The following GABRA3 variants were observed in gnomAD, a reference collection of about 807,000 sequenced individuals.
GABRA3 encodes the protein gamma-aminobutyric acid receptor subunit alpha-3.
Under a neutral mutation model 30.1 loss-of-function variants are expected in GABRA3, and 10 were observed. That is an observed-to-expected ratio of 0.33 (90% confidence interval 0.20 to 0.56). The LOEUF is 0.56. Among genes scored for constraint, GABRA3 ranks in the 20% least tolerant of loss-of-function variants. GABRA3 has a pLI of 0.89. For synonymous variants in GABRA3, 151 were observed against 146.8 expected, an observed-to-expected ratio of 1.03 and a Z score of -0.21; for missense variants, 233 against 392.0, an observed-to-expected ratio of 0.59 and a Z score of 3.42.
chrX:152,246,495 C>A (rs1045848125), intron 5 of GABRA3, among the ~76,000 whole-genome samples: 6 of 111,722 alleles, frequency 5.4e-5, no homozygotes, highest in Non-Finnish European at 9.4e-5. Flanking sequence ...TTCAGTGAAT[C>A]CTGTAATTTT....
At chrX:152,195,036 A>T (rs934093905) in intron 8 of GABRA3, among the ~76,000 whole-genome samples, 2 of 112,383 alleles carry the variant, frequency 1.8e-5, no homozygotes, top group African/African-American at 3.2e-5. Flanking sequence ...CTGGGATTAC[A>T]GGCATGAGCT....
rs1456432209 is a variant in GABRA3 at position 152,336,667 on chromosome X, A to C, written c.262+8914T>G. Reference sequence around the variant, plus strand: ...AACCTTTCAGGAACAGCTAATTAATAAAGAGAAAAGCACTTTGCTGGCCTC... The same window carrying C: ...AACCTTTCAGGAACAGCTAATTAATCAAGAGAAAAGCACTTTGCTGGCCTC... On this transcript the variant is annotated intron_variant, in intron 3 of 9. Coordinates refer to ENST00000370314, the MANE Select transcript of GABRA3 (RefSeq NM_000808.4). Among the ~76,000 whole-genome samples the C allele has an allele frequency of 2.7e-5, 3 of 112,047 alleles. No individual in the cohort carries two copies. In the Admixed American group the frequency reaches 2.9e-4, roughly 11 times the overall value.
At chrX:152,196,413 A>AG (rs1464351681) in intron 8 of GABRA3, among the ~76,000 whole-genome samples, 1 of 108,326 alleles carries the variant, frequency 9.2e-6, no homozygotes, top group African/African-American at 3.4e-5. Context: ...AAAAAGAAAA[A>AG]AAAAAAAAGA....
intron 1 of GABRA3, among the ~76,000 whole-genome samples, chrX:152,409,410 A>G (rs1241896856): frequency 9.0e-6 from 1 of 111,593 alleles, no homozygotes; most frequent in Non-Finnish European, 1.9e-5. Flanking sequence ...ATATGAAACT[A>G]TAAAACTATT....
At chrX:152,273,707 A>G (rs1430652639) in intron 4 of GABRA3, among the ~76,000 whole-genome samples, 1 of 112,152 alleles carries the variant, frequency 8.9e-6, no homozygotes, top group East Asian at 2.8e-4. Context: ...AATATTGCAT[A>G]TTCTCACTTA....
chrX:152,243,990 C>T (rs757846065), intron 5 of GABRA3, among the ~76,000 whole-genome samples: 12 of 112,168 alleles, frequency 1.1e-4, no homozygotes, highest in South Asian at 3.7e-4. Context: ...TACCTAAGTA[C>T]ATTTTCAAAA....
intron 1 of GABRA3, among the ~76,000 whole-genome samples, chrX:152,448,353 G>T (rs1209249027): frequency 8.9e-6 from 1 of 112,210 alleles, no homozygotes; most frequent in East Asian, 2.8e-4. Flanking sequence ...AACGATTTCC[G>T]AAGCCTCTCA....
intron 3 of GABRA3, among the ~76,000 whole-genome samples, chrX:152,309,060 T>C (rs868601783): frequency 8.9e-6 from 1 of 111,963 alleles, no homozygotes; most frequent in East Asian, 2.8e-4. Flanking sequence ...AACTGCACCT[T>C]TGAATAAACT....
chrX:152,410,488 A>G (rs1365674950), intron 1 of GABRA3, among the ~76,000 whole-genome samples: 1 of 111,755 alleles, frequency 8.9e-6, no homozygotes, highest in Non-Finnish European at 1.9e-5. Flanking sequence ...CCCCATAAAT[A>G]TGTATAACTA....
intron 4 of GABRA3, among the ~76,000 whole-genome samples, chrX:152,278,511 G>C (rs1404953044): frequency 2.7e-5 from 3 of 111,588 alleles, no homozygotes; most frequent in Non-Finnish European, 5.7e-5. Context: ...GTCTATCATT[G>C]ATGGACATTT....
chrX:152,298,125 C>T (rs1196844879), intron 3 of GABRA3, among the ~76,000 whole-genome samples: 1 of 112,074 alleles, frequency 8.9e-6, no homozygotes, highest in Non-Finnish European at 1.9e-5. Context: ...AGATTCTTAG[C>T]CTGAACATAA....
chrX:152,226,993 A>C (rs1280430723), intron 5 of GABRA3, among the ~76,000 whole-genome samples: 1 of 111,016 alleles, frequency 9.0e-6, no homozygotes, highest in South Asian at 3.9e-4. Flanking sequence ...AGGGATCTAG[A>C]ACTAGAAATA....
intron 3 of GABRA3, among the ~76,000 whole-genome samples, chrX:152,294,797 A>C (rs775425884): frequency 4.5e-5 from 5 of 111,647 alleles, no homozygotes; most frequent in African/African-American, 1.6e-4. Context: ...TGATGGTGAC[A>C]TACAGATGGG....
At chrX:152,309,814 C>T (rs1173869034) in intron 3 of GABRA3, among the ~76,000 whole-genome samples, 1 of 111,723 alleles carries the variant, frequency 9.0e-6, no homozygotes, top group African/African-American at 3.3e-5. Context: ...GGCTAAATGT[C>T]CCAATTAAAT....
At chrX:152,406,265 C>T (rs1186290574) in intron 1 of GABRA3, among the ~76,000 whole-genome samples, 1 of 110,280 alleles carries the variant, frequency 9.1e-6, no homozygotes, top group Non-Finnish European at 1.9e-5. Flanking sequence ...ACTAAATTTT[C>T]CAATAAAAGA....
intron 1 of GABRA3, among the ~76,000 whole-genome samples, chrX:152,384,044 T>C (rs755528615): frequency 9.7e-6 from 1 of 102,831 alleles, no homozygotes; most frequent in African/African-American, 3.5e-5. Context: ...GGATACAAAA[T>C]ACCCTTACAA....
chrX:152,233,461 G>A (rs1042450468), intron 5 of GABRA3, among the ~76,000 whole-genome samples: 1 of 109,420 alleles, frequency 9.1e-6, no homozygotes, highest in African/African-American at 3.4e-5. Flanking sequence ...CATCATCACT[G>A]GCCATCAGAG....
At chrX:152,174,473 G>A (rs1323352654) in intron 9 of GABRA3, among the ~76,000 whole-genome samples, 1 of 111,702 alleles carries the variant, frequency 9.0e-6, no homozygotes, top group Non-Finnish European at 1.9e-5. Context: ...ACTTTTTAAC[G>A]ATCGCCATTC....
At chrX:152,241,355 T>C (rs1401380261) in intron 5 of GABRA3, among the ~76,000 whole-genome samples, 1 of 94,933 alleles carries the variant, frequency 1.1e-5, no homozygotes, top group Admixed American at 1.1e-4. Flanking sequence ...GGAGGCAGTC[T>C]GCCGGTTCTC....
Sources: gnomAD v4.1 joint callset for allele counts (sites outside exome capture counted in the v4.1 genomes callset) on GRCh38, gnomAD v4.1.1 for gene constraint, MANE v1.5 for transcripts, NCBI Gene and HGNC (gene_info 2026-07-23, HGNC 2026-07-21) for gene names.